Variants in IL1RAPL2 observed in about 807,000 individuals in gnomAD.
IL1RAPL2 encodes X-linked interleukin-1 receptor accessory protein-like 2.
In IL1RAPL2, 3 loss-of-function variants were observed where a neutral mutation model predicts 44.1. That is an observed-to-expected ratio of 0.07 (90% CI 0.03 to 0.18). IL1RAPL2 has a LOEUF of 0.18. Ranked by LOEUF, IL1RAPL2 falls within the 10% of genes least tolerant of loss-of-function variation. The pLI is 1.00. For missense variants in IL1RAPL2, 391 were observed against 496.4 expected (o/e 0.79, Z 2.02); for synonymous variants, 181 against 178.8 (o/e 1.01, Z -0.10).
chrX:105,060,077 C>T (rs1171174861), intron 2 of IL1RAPL2, among the ~76,000 whole-genome samples: 1 of 111,707 alleles, frequency 9.0e-6, no homozygotes, highest in African/African-American at 3.3e-5. Flanking sequence ...TAACAGTGTT[C>T]AAGGGCTCCC....
chrX:104,803,246 A>G (rs1569317372), intron 2 of IL1RAPL2, among the ~76,000 whole-genome samples: 1 of 111,404 alleles, frequency 9.0e-6, no homozygotes, highest in Non-Finnish European at 1.9e-5. Context: ...TGAACTATAA[A>G]CCTCCACCCT....
intron 6 of IL1RAPL2, among the ~76,000 whole-genome samples, chrX:105,538,101 A>G (rs1437726586): frequency 1.0e-5 from 1 of 99,829 alleles, no homozygotes; most frequent in Non-Finnish European, 2.0e-5. Flanking sequence ...CAGTGGCGCA[A>G]TCTCGGCTCA....
intron 2 of IL1RAPL2, among the ~76,000 whole-genome samples, chrX:105,125,803 G>C (rs2147574789): frequency 9.1e-6 from 1 of 110,327 alleles, no homozygotes; most frequent in Admixed American, 9.7e-5. Flanking sequence ...CCACAGAACT[G>C]ACTATGGAAA....
intron 5 of IL1RAPL2, among the ~76,000 whole-genome samples, chrX:105,362,362 C>T (rs760738314): frequency 2.7e-5 from 3 of 111,342 alleles, no homozygotes; most frequent in Non-Finnish European, 5.7e-5. Flanking sequence ...CTACTTTTAT[C>T]GTGCAGGAGA....
chrX:105,027,138 G>C (rs993625962), intron 2 of IL1RAPL2, among the ~76,000 whole-genome samples: 1 of 111,412 alleles, frequency 9.0e-6, no homozygotes, highest in African/African-American at 3.3e-5. Flanking sequence ...AGAGAAACTA[G>C]GCCCCTGTCT....
chrX:105,740,496 T>A (rs374363278), intron 7 of IL1RAPL2, 50 bp from the exon 8 acceptor site: 876 of 1,170,193 alleles, frequency 7.5e-4, no homozygotes, highest in Non-Finnish European at 9.7e-4. Context: ...GCATGGCTGC[T>A]TTCTCCCCAA....
chrX:105,250,141 A>G (rs1037277338), intron 4 of IL1RAPL2, among the ~76,000 whole-genome samples: 2 of 111,482 alleles, frequency 1.8e-5, no homozygotes, highest in African/African-American at 3.2e-5. Flanking sequence ...ACTATATGAC[A>G]TTCTGGAAAA....
At chrX:104,711,489 A>G (rs1931455626) in intron 2 of IL1RAPL2, among the ~76,000 whole-genome samples, 1 of 110,795 alleles carries the variant, frequency 9.0e-6, no homozygotes, top group South Asian at 3.8e-4. Flanking sequence ...TCCTCCCACC[A>G]ATATAAGAAG....
chrX:105,276,008 A>G (rs62603043), intron 5 of IL1RAPL2, among the ~76,000 whole-genome samples: 3,993 of 112,071 alleles, frequency 0.036, 94 homozygotes, highest in Non-Finnish European at 0.055. Flanking sequence ...ATGTTGGTAT[A>G]CCAATCCATT....
At position 104,729,447 on chromosome X, in the gene IL1RAPL2, C is replaced by CTTTT. The variant is rs5903245; in HGVS notation, c.82+70473_82+70476dup. Reference sequence around the variant, plus strand: ...CCACAGCCCAAATAGGGCCTGCTGCCTTTTTTTTTTTTTTTTTTTTTTTTG... The same window carrying CTTTT: ...CCACAGCCCAAATAGGGCCTGCTGCCTTTTTTTTTTTTTTTTTTTTTTTTTTTTG... On this transcript the variant is annotated intron_variant, in intron 2 of 10. Transcript: ENST00000372582. Among the ~76,000 whole-genome samples the CTTTT allele has an allele frequency of 2.3e-3, 109 of 46,427 alleles. 1 individual carries two copies. The highest frequency in any genetic ancestry group is 4.6e-3 in the East Asian group (6 of 1,304). The allele number at this position is 46,427 out of a possible 115,157, so 40.3% of individuals were successfully genotyped here.
chrX:105,217,299 G>A (rs2033871095), intron 3 of IL1RAPL2, among the ~76,000 whole-genome samples: 1 of 111,667 alleles, frequency 9.0e-6, no homozygotes, highest in African/African-American at 3.3e-5. Flanking sequence ...TGAAGGACAT[G>A]AACAGACACT....
intron 2 of IL1RAPL2, among the ~76,000 whole-genome samples, chrX:104,758,040 G>A (rs1433083809): frequency 8.9e-6 from 1 of 111,851 alleles, no homozygotes; most frequent in Non-Finnish European, 1.9e-5. Context: ...AATGTGCCTG[G>A]ACGGTAAAGA....
intron 2 of IL1RAPL2, among the ~76,000 whole-genome samples, chrX:104,972,709 G>T (rs2030259924): frequency 8.9e-6 from 1 of 111,867 alleles, no homozygotes; most frequent in Admixed American, 9.5e-5. Flanking sequence ...ATCCAGCTGG[G>T]CTTTAGAATG....
intron 3 of IL1RAPL2, chrX:105,220,394 C>T: frequency 5.1e-6 from 6 of 1,180,341 alleles, no homozygotes; most frequent in Non-Finnish European, 5.7e-6. Context: ...GGTCTCAAGG[C>T]CATGATCGCC....
At chrX:104,800,072 GA>G (rs1330299654) in intron 2 of IL1RAPL2, among the ~76,000 whole-genome samples, 2 of 110,000 alleles carry the variant, frequency 1.8e-5, no homozygotes, top group African/African-American at 6.6e-5. Context: ...CATCATACCT[GA>G]AAGACTTTAT....
intron 2 of IL1RAPL2, among the ~76,000 whole-genome samples, chrX:104,993,487 A>C (rs188629149): frequency 1.8e-5 from 2 of 111,964 alleles, no homozygotes; most frequent in East Asian, 5.6e-4. Flanking sequence ...TTAAGAGGGA[A>C]AATTTAACTT....
chrX:104,610,524 C>A (rs970278776), intron 1 of IL1RAPL2, among the ~76,000 whole-genome samples: 1 of 112,006 alleles, frequency 8.9e-6, no homozygotes, highest in African/African-American at 3.3e-5. Flanking sequence ...AACTCCTATT[C>A]ACAATTGCTT....
chrX:105,287,902 T>C (rs1244451689), intron 5 of IL1RAPL2, among the ~76,000 whole-genome samples: 1 of 111,335 alleles, frequency 9.0e-6, no homozygotes, highest in Non-Finnish European at 1.9e-5. Flanking sequence ...AATTTCTAAA[T>C]TATGGTTCTT....
At chrX:104,908,462 T>C (rs1466089992) in intron 2 of IL1RAPL2, among the ~76,000 whole-genome samples, 1 of 111,599 alleles carries the variant, frequency 9.0e-6, no homozygotes, top group Non-Finnish European at 1.9e-5. Context: ...TTTCCATGTT[T>C]AGCACTTCCT....
Sources: gnomAD v4.1 joint callset for allele counts (sites outside exome capture counted in the v4.1 genomes callset) on GRCh38, gnomAD v4.1.1 for gene constraint, MANE v1.5 for transcripts, NCBI Gene and HGNC (gene_info 2026-07-23, HGNC 2026-07-21) for gene names.